CNTNAP4: variants seen among roughly 807,000 people sequenced by gnomAD.
CNTNAP4 encodes contactin associated protein family member 4, also known as contactin-associated protein-like 4.
CNTNAP4 carries 98 observed loss-of-function variants against 148.4 expected under a neutral mutation model. The observed-to-expected ratio is 0.66, with a 90% CI of 0.56 to 0.78. The LOEUF is 0.78. CNTNAP4 is among the 30% of genes least tolerant of loss of function. CNTNAP4 has a pLI of 0.00. For synonymous variants in CNTNAP4, 730 were observed against 565.1 expected (o/e 1.29, Z -4.14); for missense variants, 1,935 against 1,565.6 (o/e 1.24, Z -3.98).
chr16:76,431,982 G>A (rs2079626648), intron 4 of CNTNAP4, among the ~76,000 whole-genome samples: 1 of 152,068 alleles, frequency 6.6e-6, no homozygotes, highest in African/African-American at 2.4e-5. Context: ...CCTCTGAGTT[G>A]AAGACGTAGA....
In CNTNAP4 at chr16:76,467,410, A is replaced by T. The variant is rs375009421; in HGVS notation, c.1542A>T (p.Gly514=). 1.2e-6 allele frequency: 2 copies of T among 1,613,754 alleles called. No homozygotes were observed. The highest frequency in any genetic ancestry group is 1.7e-6 in the Non-Finnish European group (2 of 1,179,850). The change falls in exon 10 of 24, where the codon GGA becomes GGT. Residue 514 remains glycine (G), a synonymous_variant. Transcript: ENST00000611870. ...AAAGTCCACTTGGTGGATTTCAGGG[A>T]TGTATGAGGCTCATTTCTATCAGCG... The part of the protein sequence containing the change: ...KCKSPLGGFQ[G]CMRLISISGK...
chr16:76,472,493 T>G (rs2143570740), intron 10 of CNTNAP4, among the ~76,000 whole-genome samples: 1 of 152,122 alleles, frequency 6.6e-6, no homozygotes, highest in South Asian at 2.1e-4. Flanking sequence ...GTTTGAGGTT[T>G]GCTATAGAAT....
chr16:76,362,930 A>T (rs1201611424), intron 3 of CNTNAP4, among the ~76,000 whole-genome samples: 1 of 152,124 alleles, frequency 6.6e-6, no homozygotes, highest in Non-Finnish European at 1.5e-5. Context: ...GGAAAAAAGA[A>T]TACACAATGG....
rs186707938 is a variant in CNTNAP4 at position 76,432,596 on chromosome 16, T to C, written c.538+4997T>C. ...TTGATGCTACAGAAACAATACTACA[T>C]GTCTGAAAGAGAAGTAAACAATGGT... is the stretch of plus-strand genomic sequence containing the variant. On this transcript the variant is annotated intron_variant, in intron 4 of 23. Transcript: ENST00000611870. 3.5e-3 allele frequency: 534 copies of C among 152,270 alleles called. 2 individuals are homozygous for C. Among genetic ancestry groups the C allele is most frequent in the Non-Finnish European group, 6.0e-3 (410 of 68,008 alleles). The allele number at this position is 152,270 out of a possible 1,614,324, so 9.4% of individuals were successfully genotyped here.
intron 3 of CNTNAP4, among the ~76,000 whole-genome samples, chr16:76,365,189 G>T (rs2013958845): frequency 6.6e-6 from 1 of 152,134 alleles, no homozygotes; most frequent in Non-Finnish European, 1.5e-5. Context: ...GGTTGTAGAT[G>T]TGTGGCGTTA....
chr16:76,344,347 G>C (rs1321039971), intron 2 of CNTNAP4, among the ~76,000 whole-genome samples: 2 of 152,160 alleles, frequency 1.3e-5, no homozygotes. Context: ...GAATTGGATA[G>C]ATGCATTAAT....
intron 3 of CNTNAP4, among the ~76,000 whole-genome samples, chr16:76,388,664 T>C (rs1052304165): frequency 3.3e-5 from 5 of 152,240 alleles, no homozygotes; most frequent in Admixed American, 6.5e-5. Context: ...TAAACACATA[T>C]ACATCTATTG....
At chr16:76,537,345 A>G (rs1220363879) in intron 18 of CNTNAP4, among the ~76,000 whole-genome samples, 1 of 152,194 alleles carries the variant, frequency 6.6e-6, no homozygotes, top group Non-Finnish European at 1.5e-5. Flanking sequence ...CTTGTATTCA[A>G]TAACCAGTCC....
intron 3 of CNTNAP4, among the ~76,000 whole-genome samples, chr16:76,420,270 A>AGAATATATATTAGAATAATGTATATTCTC (rs2079138972): frequency 1.2e-5 from 1 of 80,348 alleles, no homozygotes; most frequent in African/African-American, 3.4e-5. Context: ...TGTATATTCT[A>AGAATATATATTAGAATAATGTATATTCTC]TAGGAGATAA....
At chr16:76,416,847 A>G (rs189500547) in intron 3 of CNTNAP4, among the ~76,000 whole-genome samples, 223 of 151,428 alleles carry the variant, frequency 1.5e-3, no homozygotes, top group African/African-American at 5.2e-3. Context: ...TCTGTTTTTA[A>G]CTTGCCATTC....
At chr16:76,349,604 G>T (rs1370355842) in intron 2 of CNTNAP4, among the ~76,000 whole-genome samples, 1 of 151,992 alleles carries the variant, frequency 6.6e-6, no homozygotes, top group Non-Finnish European at 1.5e-5. Flanking sequence ...AATGATCTGG[G>T]CAAACTTGGA....
At chr16:76,302,183 A>G (rs539112619) in intron 1 of CNTNAP4, among the ~76,000 whole-genome samples, 2 of 152,318 alleles carry the variant, frequency 1.3e-5, no homozygotes, top group East Asian at 1.9e-4. Flanking sequence ...TCAGCTTCAT[A>G]GAAAAAGGAA....
rs761133076 is a variant in CNTNAP4, at chr16:76,553,369, G to A, written c.3529G>A (p.Ala1177Thr). ...CLSAVQLSHV[A>T]PLKAALHPSH... is the part of the protein sequence containing the mutation. ...CTCTGCAGTGCAGCTCAGCCACGTG[G>A]CCCCTCTGAAGGCAGCTCTGCACCC... Residue 1177 changes from alanine (A) to threonine (T), a missense_variant, in exon 22 of 24, where the codon GCC becomes ACC. Physicochemically the swap from Ala to Thr is moderately conservative, Grantham distance 58. Transcript: ENST00000611870. 6.2e-7 allele frequency: 1 copy of A among 1,612,762 alleles called. No homozygotes were observed. The highest frequency in any genetic ancestry group is 8.5e-7 in the Non-Finnish European group (1 of 1,179,310).
At chr16:76,336,923 T>G (rs2144309115) in intron 2 of CNTNAP4, among the ~76,000 whole-genome samples, 1 of 152,286 alleles carries the variant, frequency 6.6e-6, no homozygotes, top group South Asian at 2.1e-4. Flanking sequence ...TGAATTAAAT[T>G]TTTTTATTTA....
intron 18 of CNTNAP4, 89 bp downstream of exon 18, chr16:76,535,873 CA>C (rs199816633): frequency 5.0e-5 from 71 of 1,408,376 alleles, no homozygotes; most frequent in Non-Finnish European, 5.7e-5. Flanking sequence ...CTATTTGAAA[CA>C]AAAAAAATTC....
intron 1 of CNTNAP4, among the ~76,000 whole-genome samples, chr16:76,311,018 AT>A (rs1387851994): frequency 6.6e-6 from 1 of 152,098 alleles, no homozygotes; most frequent in Non-Finnish European, 1.5e-5. Context: ...AATATCAAAT[AT>A]ATTGGGTGTT....
chr16:76,496,102 T>TGG (rs2082392998), intron 14 of CNTNAP4, among the ~76,000 whole-genome samples: 1 of 150,380 alleles, frequency 6.6e-6, no homozygotes, highest in Admixed American at 6.9e-5. Flanking sequence ...TGTGTGTGTG[T>TGG]GTGTGCGTGT....
chr16:76,306,527 CA>C lies in CNTNAP4; in HGVS notation c.86-9881del, dbSNP rs1364113993. ...GTTATAGAAAGCAAAATGTTGAAAG[CA>C]AAAAGTGAAAAATCTAACTGGTGCT... On this transcript the variant is annotated intron_variant, in intron 1 of 23. Coordinates refer to ENST00000611870, the MANE Select transcript of CNTNAP4 (RefSeq NM_033401.5). Among the ~76,000 whole-genome samples the C allele has an allele frequency of 5.9e-5, 9 of 152,206 alleles. No homozygotes were observed. In the East Asian group the frequency reaches 1.7e-3, roughly 29 times the overall value.
intron 3 of CNTNAP4, among the ~76,000 whole-genome samples, chr16:76,391,946 T>C (rs1365476579): frequency 1.3e-5 from 2 of 152,222 alleles, no homozygotes; most frequent in Non-Finnish European, 2.9e-5. Flanking sequence ...CAATAAATAA[T>C]ACGATGTATC....
Sources: gnomAD v4.1 joint callset for allele counts (sites outside exome capture counted in the v4.1 genomes callset) on GRCh38, gnomAD v4.1.1 for gene constraint, MANE v1.5 for transcripts, NCBI Gene and HGNC (gene_info 2026-07-23, HGNC 2026-07-21) for gene names.